The following DDR2 variants were observed in gnomAD, a reference collection of about 807,000 sequenced individuals.
DDR2 encodes discoidin domain-containing receptor 2.
DDR2 carries 27 observed loss-of-function variants against 94.9 expected under a neutral mutation model. That is an observed-to-expected ratio of 0.28 (90% CI 0.21 to 0.39). The LOEUF is 0.39. Among genes scored for constraint, DDR2 ranks in the 10% least tolerant of loss-of-function variants. The pLI is 1.00. For missense variants in DDR2, 783 were observed against 1,076.0 expected, an observed-to-expected ratio of 0.73 and a Z score of 3.81; for synonymous variants, 382 against 377.2, an observed-to-expected ratio of 1.01 and a Z score of -0.15.
At position 162,771,973 on chromosome 1, in the gene DDR2, A is replaced by T. The variant is rs765200367; in HGVS notation, c.1505-51A>T. 6 of 1,545,608 alleles carry T rather than the reference A, an allele frequency of 3.9e-6. No individual in the cohort carries two copies. The African/African-American group carries it at 8.2e-5, about 21-fold the overall frequency. On this transcript the variant is annotated intron_variant, in intron 12 of 17. Coordinates refer to ENST00000367921, the MANE Select transcript of DDR2 (RefSeq NM_006182.4). ...CCTCTCAGAGTTCCTTCCTGAAGAGATCTCCAAAGACACTCCACGGAATGA... is the reference window on the plus strand; with the variant it reads ...CCTCTCAGAGTTCCTTCCTGAAGAGTTCTCCAAAGACACTCCACGGAATGA...
At chr1:162,718,625 G>A (rs1445783984) in intron 2 of DDR2, among the ~76,000 whole-genome samples, 1 of 152,106 alleles carries the variant, frequency 6.6e-6, no homozygotes, top group African/African-American at 2.4e-5. Flanking sequence ...GAACTTATAT[G>A]TTTTGAAAGG....
intron 16 of DDR2, among the ~76,000 whole-genome samples, chr1:162,778,296 T>C (rs1414386514): frequency 6.6e-6 from 1 of 152,194 alleles, no homozygotes; most frequent in Non-Finnish European, 1.5e-5. Context: ...TTCCCAAGGC[T>C]ACCCTAGAGT....
chr1:162,733,649 C>T (rs546130517), intron 3 of DDR2, among the ~76,000 whole-genome samples: 2 of 152,336 alleles, frequency 1.3e-5, no homozygotes, highest in South Asian at 4.1e-4. Context: ...GTGTGCAATA[C>T]TTGTAGCCCT....
chr1:162,709,426 G>T (rs1323547026), intron 2 of DDR2, among the ~76,000 whole-genome samples: 1 of 152,254 alleles, frequency 6.6e-6, no homozygotes, highest in African/African-American at 2.4e-5. Flanking sequence ...GGCCTTGCCT[G>T]TGAGCAGCTG....
intron 3 of DDR2, among the ~76,000 whole-genome samples, chr1:162,736,231 C>T (rs1422739009): frequency 6.6e-6 from 1 of 152,222 alleles, no homozygotes; most frequent in Admixed American, 6.5e-5. Context: ...CCTCTCCAGG[C>T]TTTTCTAATG....
intron 2 of DDR2, among the ~76,000 whole-genome samples, chr1:162,718,709 C>T (rs1011365185): frequency 1.3e-5 from 2 of 152,142 alleles, no homozygotes; most frequent in African/African-American, 4.8e-5. Context: ...CATCAGTTTA[C>T]ATGATAAATA....
At chr1:162,740,087 T>A (rs1662515642) in intron 3 of DDR2, among the ~76,000 whole-genome samples, 1 of 152,196 alleles carries the variant, frequency 6.6e-6, no homozygotes, top group Non-Finnish European at 1.5e-5. Flanking sequence ...TAAATATTTT[T>A]AAATACCTAT....
At chr1:162,779,557 TA>T (rs1261850761) in intron 17 of DDR2, among the ~76,000 whole-genome samples, 2 of 152,176 alleles carry the variant, frequency 1.3e-5, no homozygotes, top group Admixed American at 1.3e-4. Context: ...GATAATACAT[TA>T]TGCATATTAA....
At chr1:162,767,812 G>GTGTGTT (rs1017702585) in intron 11 of DDR2, among the ~76,000 whole-genome samples, 4 of 152,016 alleles carry the variant, frequency 2.6e-5, no homozygotes, top group Non-Finnish European at 5.9e-5. Flanking sequence ...TGTTTGGTGT[G>GTGTGTT]TGTGTGTGTG....
chr1:162,728,417 C>A (rs1661830777), intron 3 of DDR2, among the ~76,000 whole-genome samples: 2 of 151,718 alleles, frequency 1.3e-5, no homozygotes, highest in Non-Finnish European at 1.5e-5. Flanking sequence ...GAAGAAAAGG[C>A]ACAGAGGCAC....
At chr1:162,779,060 C>A (rs1380322547) in intron 17 of DDR2, among the ~76,000 whole-genome samples, 2 of 151,842 alleles carry the variant, frequency 1.3e-5, no homozygotes, top group East Asian at 3.9e-4. Context: ...TCTTCTGGGT[C>A]AAAAAATAAA....
intron 3 of DDR2, among the ~76,000 whole-genome samples, chr1:162,726,886 G>A (rs1238766402): frequency 1.3e-5 from 2 of 151,628 alleles, no homozygotes; most frequent in Non-Finnish European, 2.9e-5. Context: ...GCTTATTAAT[G>A]TTTTGTTCTG....
intron 2 of DDR2, among the ~76,000 whole-genome samples, chr1:162,702,638 C>G (rs1313826190): frequency 6.6e-6 from 1 of 152,150 alleles, no homozygotes; most frequent in Non-Finnish European, 1.5e-5. Context: ...ATGCCAATAG[C>G]TACAGTATAT....
Position 162,775,750 on chromosome 1 carries a change from T to G in DDR2, c.1955T>G (p.Met652Arg). 6.2e-7 allele frequency: 1 copy of G among 1,614,164 alleles called. No homozygotes were observed. Among genetic ancestry groups the G allele is most frequent in the Non-Finnish European group, 8.5e-7 (1 of 1,180,018 alleles). Residue 652 changes from methionine to arginine, a missense_variant, in exon 15 of 18, where the codon ATG becomes AGG. Coordinates refer to ENST00000367921, the MANE Select transcript of DDR2 (RefSeq NM_006182.4). ...AVCITDDPLC[M>R]ITEYMENGDL... ...TGTATCACTGATGACCCTCTCTGTA[T>G]GATCACTGAATACATGGAGAATGGA...
At chr1:162,696,419 C>T (rs978909604) in intron 2 of DDR2, among the ~76,000 whole-genome samples, 3 of 151,584 alleles carry the variant, frequency 2.0e-5, no homozygotes, top group Admixed American at 2.0e-4. Flanking sequence ...CCCTCTCAGG[C>T]CTCTGGGCTC....
At chr1:162,720,891 T>C (rs553303171) in intron 3 of DDR2, among the ~76,000 whole-genome samples, 15 of 152,302 alleles carry the variant, frequency 9.8e-5, no homozygotes, top group South Asian at 6.2e-4. Flanking sequence ...AAAAGTTCCA[T>C]GTGCATGGGT....
rs768825317 is a variant in DDR2 at position 162,776,340 on chromosome 1, C to T, written c.2253C>T (p.Ile751=). ...YRIQGRAVLP[I]RWMSWESILL... ...TCCAGGGCCGGGCAGTGCTCCCTATCCGCTGGATGTCTTGGGAGAGTATCT... is the reference window on the plus strand; with the variant it reads ...TCCAGGGCCGGGCAGTGCTCCCTATTCGCTGGATGTCTTGGGAGAGTATCT... The change falls in exon 16 of 18, where the codon ATC becomes ATT. Residue 751 remains isoleucine (I), a synonymous_variant. Coordinates refer to ENST00000367921, the MANE Select transcript of DDR2 (RefSeq NM_006182.4). 4.6e-5 allele frequency: 75 copies of T among 1,614,058 alleles called. No individual in the cohort carries two copies. The East Asian group carries it at 1.5e-3, about 33-fold the overall frequency.
intron 2 of DDR2, among the ~76,000 whole-genome samples, chr1:162,694,167 G>T (rs1026462148): frequency 6.6e-6 from 1 of 152,044 alleles, no homozygotes; most frequent in South Asian, 2.1e-4. Context: ...CTGCCTTCCC[G>T]TTTCCATTTT....
chr1:162,693,983 C>T (rs1660071958), intron 2 of DDR2, among the ~76,000 whole-genome samples: 1 of 152,204 alleles, frequency 6.6e-6, no homozygotes, highest in Admixed American at 6.5e-5. Flanking sequence ...TCAAGCGCTT[C>T]TTCTGCCTCA....
Sources: gnomAD v4.1 joint callset for allele counts (sites outside exome capture counted in the v4.1 genomes callset) on GRCh38, gnomAD v4.1.1 for gene constraint, MANE v1.5 for transcripts, NCBI Gene and HGNC (gene_info 2026-07-23, HGNC 2026-07-21) for gene names.